Variants in SLC35E2B observed in about 807,000 individuals in gnomAD.
SLC35E2B encodes the protein solute carrier family 35 member E2B.
Under a neutral mutation model 32.4 loss-of-function variants are expected in SLC35E2B, and 18 were observed. The ratio of observed to expected loss-of-function variants is 0.56; its 90% CI spans 0.38 to 0.82. The LOEUF (loss-of-function observed/expected upper bound fraction) is 0.82. Ranked by LOEUF, SLC35E2B falls within the 40% of genes least tolerant of loss-of-function variation. The pLI, the probability that SLC35E2B is intolerant of heterozygous loss-of-function variation, is 0.00. For missense variants in SLC35E2B, 263 were observed against 469.5 expected (o/e 0.56, Z 4.06); for synonymous variants, 132 against 209.1 (o/e 0.63, Z 3.18).
intron 2 of SLC35E2B, among the ~76,000 whole-genome samples, chr1:1,684,946 A>G (rs1643933727): frequency 1.3e-5 from 2 of 151,182 alleles, no homozygotes; most frequent in Non-Finnish European, 2.9e-5. Context: ...TCTCTACTAA[A>G]AAAATACAAA....
intron 5 of SLC35E2B, 38 bp from the exon 6 acceptor site, chr1:1,671,667 C>A: frequency 6.8e-7 from 1 of 1,478,178 alleles, no homozygotes. Context: ...GCTGACCCGC[C>A]GGGCGGACGC....
At chr1:1,680,296 G>A (rs1460704906) in intron 2 of SLC35E2B, among the ~76,000 whole-genome samples, 2 of 151,866 alleles carry the variant, frequency 1.3e-5, no homozygotes, top group Non-Finnish European at 2.9e-5. Context: ...GCAAGACCCT[G>A]ACTCTAAAAA....
At chr1:1,669,386 A>T (rs911410955) in intron 8 of SLC35E2B, among the ~76,000 whole-genome samples, 3 of 151,978 alleles carry the variant, frequency 2.0e-5, no homozygotes, top group East Asian at 1.9e-4. Context: ...TTTTTCTAAT[A>T]AAAAAAAGAA....
intron 2 of SLC35E2B, among the ~76,000 whole-genome samples, chr1:1,680,553 G>A (rs901846060): frequency 1.3e-5 from 2 of 152,060 alleles, no homozygotes; most frequent in African/African-American, 2.4e-5. Flanking sequence ...CCCAGCCAAC[G>A]TCACACCGAC....
chr1:1,683,389 G>A (rs1382838824), intron 2 of SLC35E2B, among the ~76,000 whole-genome samples: 2 of 152,164 alleles, frequency 1.3e-5, no homozygotes, highest in African/African-American at 4.8e-5. Flanking sequence ...ACCCTCCTGA[G>A]GATCAATGAG....
chr1:1,685,694 G>A (rs1376588587), intron 2 of SLC35E2B, among the ~76,000 whole-genome samples: 1 of 152,154 alleles, frequency 6.6e-6, no homozygotes, highest in African/African-American at 2.4e-5. Flanking sequence ...CCTGAGGGGA[G>A]AAGCAGAACA....
At chr1:1,688,937 C>A (rs941530734) in intron 2 of SLC35E2B, among the ~76,000 whole-genome samples, 14 of 151,128 alleles carry the variant, frequency 9.3e-5, no homozygotes, top group Middle Eastern at 3.4e-3. Flanking sequence ...TTTGGGAGGC[C>A]GAGGTGGGCG....
chr1:1,663,649 T>G lies in SLC35E2B; in HGVS notation c.*2133A>C. ...TCGCACCCAGCTAATTTTTGTATTT[T>G]TGGTAGAGACAGGGTTTCATCATGT... On this transcript the variant is annotated 3_prime_UTR_variant, in exon 10 of 10. Transcript: ENST00000617444. 1 of 230,660 alleles carries G rather than the reference T, an allele frequency of 4.3e-6. No individual in the cohort carries two copies. Among genetic ancestry groups the G allele is most frequent in the Non-Finnish European group, 7.1e-6 (1 of 141,056 alleles). The allele number at this position is 230,660 out of a possible 1,614,324, so 14.3% of individuals were successfully genotyped here. A position where few individuals can be genotyped will look rare whatever the true frequency, so the allele number is the denominator to read the frequency against.
Position 1,662,931 on chromosome 1 carries a change from T to C in SLC35E2B, c.*2851A>G. On this transcript the variant is annotated 3_prime_UTR_variant, in exon 10 of 10. Transcript: ENST00000617444. ...CCAGAAAAGTATTACACAAAGTTAT[T>C]TTAAAAAATGTCTGTACAATCGTTA... is the stretch of plus-strand genomic sequence containing the variant. 2.3e-6 allele frequency: 2 copies of C among 873,310 alleles called. 1 individual carries two copies. Among genetic ancestry groups the C allele is most frequent in the Non-Finnish European group, 2.8e-6 (2 of 725,928 alleles). The allele number at this position is 873,310 out of a possible 1,614,324, so 54.1% of individuals were successfully genotyped here.
In SLC35E2B at chr1:1,665,938, G is replaced by A. The variant is rs181174644; in HGVS notation, c.1062C>T (p.Ala354=). 1.8e-3 allele frequency: 2,789 copies of A among 1,551,524 alleles called. 11 individuals are homozygous for A. The highest frequency in any genetic ancestry group is 1.9e-3 in the Non-Finnish European group (2,232 of 1,146,978). ...CAACGGTCACCAGGGCTGTGCCAAC[G>A]GCCGACAAGCTGGTGATCTTGTTGC... ...VFGNKITSLS[A]VGTALVTVGV... is the part of the protein sequence containing the mutation. The change falls in exon 10 of 10, where the codon GCC becomes GCT. Residue 354 remains alanine (A), a synonymous_variant. Transcript: ENST00000617444.
Position 1,670,168 on chromosome 1 carries a change from A to T in SLC35E2B, c.708-17T>A, listed in dbSNP as rs1339571299. On this transcript the variant is annotated splice_polypyrimidine_tract_variant and intron_variant, in intron 6 of 9. Transcript: ENST00000617444. ...TTTTGCAAACTAGAATAAAGAAAAG[A>T]GGTTATGCATCAATACTAGTCCTCG... 13 of 1,543,552 alleles carry T rather than the reference A, an allele frequency of 8.4e-6. No individual in the cohort carries two copies. The highest frequency in any genetic ancestry group is 1.1e-5 in the Non-Finnish European group (12 of 1,139,606).
chr1:1,680,945 G>T (rs986315064), intron 2 of SLC35E2B, among the ~76,000 whole-genome samples: 8 of 151,952 alleles, frequency 5.3e-5, no homozygotes, highest in Non-Finnish European at 7.4e-5. Flanking sequence ...TGGGATTACA[G>T]GCGCCTGCCA....
chr1:1,689,412 T>C (rs369712575), intron 2 of SLC35E2B, among the ~76,000 whole-genome samples: 1,697 of 149,268 alleles, frequency 0.011, 47 homozygotes, highest in African/African-American at 0.038. Flanking sequence ...ATCCCCACAA[T>C]AGCCCTCTGG....
Position 1,663,677 on chromosome 1 carries a change from G to T in SLC35E2B, c.*2105C>A. On this transcript the variant is annotated 3_prime_UTR_variant, in exon 10 of 10. Transcript: ENST00000617444. ...GTAGAGACAGGGTTTCATCATGTTG[G>T]CCAGGCTGGTCTCGAACTCCTGGCC... is the stretch of plus-strand genomic sequence containing the variant. The T allele has an allele frequency of 3.8e-6, 1 of 261,962 alleles. No individual in the cohort carries two copies. Among genetic ancestry groups the T allele is most frequent in the East Asian group, 1.7e-4 (1 of 5,718 alleles). The allele number at this position is 261,962 out of a possible 1,614,324, so 16.2% of individuals were successfully genotyped here. A position where few individuals can be genotyped will look rare whatever the true frequency, so the allele number is the denominator to read the frequency against.
At chr1:1,669,946 G>T in intron 7 of SLC35E2B, 152 bp downstream of exon 7, 3 of 854,722 alleles carry the variant, frequency 3.5e-6, no homozygotes, top group Non-Finnish European at 5.7e-6. Context: ...AGAAACGGGC[G>T]GGTCCCTCCC....
intron 2 of SLC35E2B, among the ~76,000 whole-genome samples, chr1:1,688,098 G>A (rs971315642): frequency 6.6e-6 from 1 of 151,936 alleles, no homozygotes; most frequent in Non-Finnish European, 1.5e-5. Context: ...GAAAGGCAGA[G>A]TACGTAACAC....
rs1053519246 is a variant in SLC35E2B, at chr1:1,671,395, C to T, written c.707+114G>A. On this transcript the variant is annotated intron_variant, in intron 6 of 9. Transcript: ENST00000617444. The stretch of plus-strand genomic sequence containing the variant: ...CTCTTTAGGAAAGGGCAGCATTGGA[C>T]GCACCTGCTTTGGCTCACGGGAGGA... 1.2e-4 allele frequency: 148 copies of T among 1,191,914 alleles called. No individual in the cohort carries two copies. In the Admixed American group the frequency reaches 1.6e-3, roughly 13 times the overall value. The allele number at this position is 1,191,914 out of a possible 1,614,324, so 73.8% of individuals were successfully genotyped here.
chr1:1,669,816 C>A, intron 7 of SLC35E2B, 80 bp from the exon 8 acceptor site: 1 of 1,379,332 alleles, frequency 7.2e-7, no homozygotes, highest in Non-Finnish European at 1.0e-6. Context: ...GCAAGAACAC[C>A]CAGGCACCCC....
At chr1:1,680,081 C>T (rs567856597) in intron 2 of SLC35E2B, among the ~76,000 whole-genome samples, 1 of 151,232 alleles carries the variant, frequency 6.6e-6, no homozygotes, top group Non-Finnish European at 1.5e-5. Context: ...GAGCCGAGAT[C>T]ACACCGTTGT....
Sources: allele counts gnomAD v4.1 joint callset (sites outside exome capture counted in the v4.1 genomes callset), GRCh38; gene constraint gnomAD v4.1.1; transcripts MANE v1.5; gene names NCBI Gene and HGNC (gene_info 2026-07-23, HGNC 2026-07-21).